EEF1AKMT2: variants seen among roughly 807,000 people sequenced by gnomAD.
EEF1AKMT2 encodes the protein EEF1A lysine methyltransferase 2, also known as eukaryotic translation elongation factor 1 alpha lysine methyltransferase 2.
EEF1AKMT2 carries 32 observed loss-of-function variants against 35.8 expected under a neutral mutation model. That is an observed-to-expected ratio of 0.89 (90% CI 0.67 to 1.20). The LOEUF is 1.20. EEF1AKMT2 is among the 50% of genes most tolerant of loss of function. The pLI, the probability that EEF1AKMT2 is intolerant of heterozygous loss-of-function variation, is 0.00. For missense variants in EEF1AKMT2, 330 were observed against 347.5 expected (o/e 0.95, Z 0.40); for synonymous variants, 121 against 133.7 (o/e 0.91, Z 0.65).
At chr10:124,779,983 A>G (rs1413545458) in intron 3 of EEF1AKMT2, among the ~76,000 whole-genome samples, 16 of 151,504 alleles carry the variant, frequency 1.1e-4, no homozygotes, top group African/African-American at 3.4e-4. Context: ...GAATGGTGTG[A>G]ACCCAGGAGG....
chr10:124,785,303 C>G (rs1160970323), intron 3 of EEF1AKMT2, among the ~76,000 whole-genome samples: 1 of 99,540 alleles, frequency 1.0e-5, no homozygotes, highest in Non-Finnish European at 2.2e-5. Context: ...AAACTTTAAA[C>G]AAAAACACAG....
intron 3 of EEF1AKMT2, among the ~76,000 whole-genome samples, chr10:124,783,185 G>C (rs778477714): frequency 7.2e-6 from 1 of 139,268 alleles, no homozygotes; most frequent in Non-Finnish European, 1.5e-5. Flanking sequence ...CTGTCTCCCA[G>C]GCTGGAGTGC....
chr10:124,773,422 T>C (rs1032063553), intron 4 of EEF1AKMT2, among the ~76,000 whole-genome samples: 3 of 152,110 alleles, frequency 2.0e-5, no homozygotes, highest in African/African-American at 7.2e-5. Context: ...GGTGGAGATA[T>C]GGTTTCACCA....
chr10:124,772,170 T>C (rs1202198786), intron 4 of EEF1AKMT2, among the ~76,000 whole-genome samples: 3 of 152,142 alleles, frequency 2.0e-5, no homozygotes, highest in Non-Finnish European at 4.4e-5. Flanking sequence ...TAGCCCCCTC[T>C]AACAATAATG....
chr10:124,786,725 G>A (rs1054663427), intron 3 of EEF1AKMT2, among the ~76,000 whole-genome samples: 4 of 151,276 alleles, frequency 2.6e-5, no homozygotes, highest in South Asian at 2.1e-4. Flanking sequence ...CAGGAAAATC[G>A]CTTGAACCCA....
rs138395088 is a variant in EEF1AKMT2, at chr10:124,763,788, G to T, written c.617-1230C>A. ...TATTTAAAAACCAGGAAAGAAACTTGCCCTACACAGTGTAACTTTGAGCAT... is the reference window on the plus strand; with the variant it reads ...TATTTAAAAACCAGGAAAGAAACTTTCCCTACACAGTGTAACTTTGAGCAT... On this transcript the variant is annotated intron_variant, in intron 5 of 6. Transcript: ENST00000368836. Among the ~76,000 whole-genome samples the T allele has an allele frequency of 1.1e-3, 175 of 152,186 alleles. 5 individuals are homozygous for T. The East Asian group carries it at 0.03, about 26-fold the overall frequency.
chr10:124,781,301 G>A lies in EEF1AKMT2; in HGVS notation c.292-6519C>T, dbSNP rs150515885. On this transcript the variant is annotated intron_variant, in intron 3 of 6. Coordinates refer to ENST00000368836, the MANE Select transcript of EEF1AKMT2 (RefSeq NM_212554.4). The stretch of plus-strand genomic sequence containing the variant: ...TAGCTCAGAATTCTATATTCAGGCC[G>A]GCTGCGGTGGCTCACGCCTGTTATC... Among the ~76,000 whole-genome samples, 746 of 151,854 alleles carry A rather than the reference G, an allele frequency of 4.9e-3. 7 individuals are homozygous for A. The highest frequency in any genetic ancestry group is 8.5e-3 in the Non-Finnish European group (576 of 67,920).
At chr10:124,756,766 T>C (rs537235517), downstream of EEF1AKMT2, among the ~76,000 whole-genome samples, 2 of 152,280 alleles carry the variant, frequency 1.3e-5, no homozygotes, top group South Asian at 4.2e-4. Context: ...TTATTCAGCA[T>C]TTATGTAGCC....
Position 124,774,764 on chromosome 10 carries a change from T to G in EEF1AKMT2, c.310A>C (p.Asn104His), listed in dbSNP as rs372176056. The G allele has an allele frequency of 6.8e-7, 1 of 1,465,606 alleles. No homozygotes were observed. Among genetic ancestry groups the G allele is most frequent in the Non-Finnish European group, 9.0e-7 (1 of 1,110,536 alleles). The allele number at this position is 1,465,606 out of a possible 1,614,324, so 90.8% of individuals were successfully genotyped here. A position where few individuals can be genotyped will look rare whatever the true frequency, so the allele number is the denominator to read the frequency against. The change falls in exon 4 of 7, where the codon AAT becomes CAT. Residue 104 changes from asparagine to histidine, a missense_variant. By Grantham distance (68) the Asn-to-His change is moderately conservative. Coordinates refer to ENST00000368836, the MANE Select transcript of EEF1AKMT2 (RefSeq NM_212554.4). ...LVELAKFGFS[N>H]ITGIDYSPSA... ...GGAGAGTAATCAATTCCAGTAATAT[T>G]AGAGAAACCAAATTTTGCCTAGAGA...
chr10:124,767,953 TC>T (rs1378592443), intron 4 of EEF1AKMT2, among the ~76,000 whole-genome samples: 3 of 152,156 alleles, frequency 2.0e-5, no homozygotes, highest in African/African-American at 7.2e-5. Context: ...GCCATTGCAC[TC>T]CAGCCTGGGC....
chr10:124,786,774 C>T (rs1447690521), intron 3 of EEF1AKMT2, among the ~76,000 whole-genome samples: 1 of 151,846 alleles, frequency 6.6e-6, no homozygotes, highest in African/African-American at 2.4e-5. Context: ...CGCACCACTG[C>T]ACTCTAGCCT....
chr10:124,768,352 TA>T (rs1452237647), intron 4 of EEF1AKMT2, among the ~76,000 whole-genome samples: 4 of 152,156 alleles, frequency 2.6e-5, no homozygotes, highest in African/African-American at 9.7e-5. Flanking sequence ...CTCATGCCCA[TA>T]ATCCCAGCAC....
intron 3 of EEF1AKMT2, among the ~76,000 whole-genome samples, chr10:124,779,041 G>T (rs369655955): frequency 6.6e-6 from 1 of 151,448 alleles, no homozygotes; most frequent in Non-Finnish European, 1.5e-5. Context: ...AATATTCTAC[G>T]CCACATATGC....
At chr10:124,772,317 C>A (rs1437784986) in intron 4 of EEF1AKMT2, among the ~76,000 whole-genome samples, 2 of 151,868 alleles carry the variant, frequency 1.3e-5, no homozygotes, top group African/African-American at 2.4e-5. Flanking sequence ...GCCAGCTTCA[C>A]TGGTTATTTC....
intron 5 of EEF1AKMT2, among the ~76,000 whole-genome samples, chr10:124,764,980 CA>C (rs1315298002): frequency 3.9e-5 from 6 of 152,190 alleles, no homozygotes; most frequent in African/African-American, 1.4e-4. Flanking sequence ...CGACTCACTG[CA>C]ACCTCTGCCT....
chr10:124,790,267 A>C lies in EEF1AKMT2; in HGVS notation c.176+6T>G. The C allele has an allele frequency of 6.3e-7, 1 of 1,597,876 alleles. No homozygotes were observed. Among genetic ancestry groups the C allele is most frequent in the Non-Finnish European group, 8.6e-7 (1 of 1,165,426 alleles). Reference sequence around the variant, plus strand: ...AGATTATAACTTGATTCTTTTCCTAACTCACCAGATTTCACCTGTATCTCC... The same window carrying C: ...AGATTATAACTTGATTCTTTTCCTACCTCACCAGATTTCACCTGTATCTCC... On this transcript the variant is annotated splice_donor_region_variant and intron_variant, in intron 2 of 6. Transcript: ENST00000368836.
In EEF1AKMT2 at chr10:124,762,567, CAGAG is replaced by C. The variant is rs536591971; in HGVS notation, c.617-13_617-10del. The C allele has an allele frequency of 8.1e-5, 96 of 1,185,226 alleles. No individual in the cohort carries two copies. The Middle Eastern group carries it at 9.5e-4, about 12-fold the overall frequency. The allele number at this position is 1,185,226 out of a possible 1,614,324, so 73.4% of individuals were successfully genotyped here. ...TGCCACTGTACTCCAACCTGGGCAA[CAGAG>C]AGAGAGACAGACCGTTTCAAAAACA... On this transcript the variant is annotated splice_polypyrimidine_tract_variant and intron_variant, in intron 5 of 6. Transcript: ENST00000368836.
At chr10:124,760,852 A>G (rs968210194) in intron 6 of EEF1AKMT2, among the ~76,000 whole-genome samples, 2 of 152,178 alleles carry the variant, frequency 1.3e-5, no homozygotes, top group East Asian at 3.9e-4. Context: ...AGCAGCTAGC[A>G]TGTGTCGAGT....
chr10:124,765,717 G>A, intron 4 of EEF1AKMT2, 109 bp from the exon 5 acceptor site: 2 of 750,018 alleles, frequency 2.7e-6, no homozygotes, highest in South Asian at 1.9e-5. Flanking sequence ...TAATTATAAT[G>A]GCATTTTACA....
Sources: allele counts gnomAD v4.1 joint callset (sites outside exome capture counted in the v4.1 genomes callset), GRCh38; gene constraint gnomAD v4.1.1; transcripts MANE v1.5; gene names NCBI Gene and HGNC (gene_info 2026-07-23, HGNC 2026-07-21).